VTI1A: variants seen among roughly 807,000 people sequenced by gnomAD.
VTI1A encodes vesicle transport through interaction with t-SNAREs homolog 1A.
Under a neutral mutation model 34.9 loss-of-function variants are expected in VTI1A, and 22 were observed. That is an observed-to-expected ratio of 0.63 (90% CI 0.45 to 0.90). The LOEUF (loss-of-function observed/expected upper bound fraction) is 0.90. Among genes scored for constraint, VTI1A ranks in the 40% least tolerant of loss-of-function variants. VTI1A has a pLI of 0.00. For synonymous variants in VTI1A, 87 were observed against 97.3 expected, an observed-to-expected ratio of 0.89 and a Z score of 0.62; for missense variants, 268 against 275.6, an observed-to-expected ratio of 0.97 and a Z score of 0.20.
the VTI1A span, among the ~76,000 whole-genome samples, chr10:112,848,767 G>A: frequency 1.3e-5 from 2 of 152,096 alleles, no homozygotes; most frequent in Non-Finnish European, 2.9e-5. Flanking sequence ...AAGTACATAC[G>A]GAGCCCAGAG....
intron 3 of VTI1A, among the ~76,000 whole-genome samples, chr10:112,472,770 A>G (rs1192878805): frequency 1.3e-5 from 2 of 152,180 alleles, no homozygotes; most frequent in East Asian, 1.9e-4. Context: ...TAACTGTAGC[A>G]TCAGCTAATC....
intron 5 of VTI1A, among the ~76,000 whole-genome samples, chr10:112,648,712 T>C (rs1334311718): frequency 6.6e-6 from 1 of 152,196 alleles, no homozygotes; most frequent in Non-Finnish European, 1.5e-5. Context: ...TTAAAATTTT[T>C]ATTATTACCC....
intron 7 of VTI1A, among the ~76,000 whole-genome samples, chr10:112,763,416 GC>G (rs1161994271): frequency 6.8e-6 from 1 of 147,322 alleles, no homozygotes; most frequent in East Asian, 2.0e-4. Flanking sequence ...TCCAGCCTGG[GC>G]TACAGAGCGA....
chr10:112,582,902 C>T (rs1483928283), intron 5 of VTI1A, among the ~76,000 whole-genome samples: 1 of 152,070 alleles, frequency 6.6e-6, no homozygotes, highest in Non-Finnish European at 1.5e-5. Flanking sequence ...TAAAAAACCT[C>T]CAAGAAAATA....
At chr10:112,739,393 T>C (rs1850612005) in intron 7 of VTI1A, among the ~76,000 whole-genome samples, 1 of 152,210 alleles carries the variant, frequency 6.6e-6, no homozygotes, top group African/African-American at 2.4e-5. Flanking sequence ...ATTTTGTCAG[T>C]TGCATGTCCC....
rs539167789 is a variant in VTI1A, at chr10:112,571,128, T to C, written c.427+32798T>C. ...TATCTTTATTTTACATGTGAAGAAA[T>C]TGAAACTGAGTGATTAAATGACTTA... is the stretch of plus-strand genomic sequence containing the variant. On this transcript the variant is annotated intron_variant, in intron 5 of 7. Transcript: ENST00000393077. 2.6e-5 allele frequency among the ~76,000 whole-genome samples: 4 copies of C among 152,316 alleles called. No homozygotes were observed. The East Asian group carries it at 7.7e-4, about 29-fold the overall frequency.
intron 7 of VTI1A, chr10:112,736,807 C>A: frequency 3.0e-6 from 4 of 1,350,442 alleles, no homozygotes; most frequent in Non-Finnish European, 3.1e-6. Context: ...TACTCAAACA[C>A]GTATTGTGCC....
intron 7 of VTI1A, among the ~76,000 whole-genome samples, chr10:112,712,522 A>T (rs1252961736): frequency 6.6e-6 from 1 of 151,362 alleles, no homozygotes; most frequent in East Asian, 2.0e-4. Flanking sequence ...ATTAAATGAT[A>T]TAAATCTAGT....
intron 5 of VTI1A, among the ~76,000 whole-genome samples, chr10:112,580,097 G>C (rs1450890195): frequency 1.3e-5 from 2 of 152,110 alleles, no homozygotes; most frequent in African/African-American, 4.8e-5. Context: ...TTGGGGCCTA[G>C]AGGTGGAAAC....
chr10:112,547,458 A>C (rs576153870), intron 5 of VTI1A, among the ~76,000 whole-genome samples: 11 of 150,704 alleles, frequency 7.3e-5, no homozygotes, highest in African/African-American at 2.2e-4. Context: ...CATGCATGTA[A>C]TCCCAGCTGC....
intron 3 of VTI1A, among the ~76,000 whole-genome samples, chr10:112,495,243 T>C (rs1424801362): frequency 7.3e-6 from 1 of 137,924 alleles, no homozygotes; most frequent in Non-Finnish European, 1.6e-5. Flanking sequence ...ATTTTCTCCA[T>C]AAATTTTTAT....
At position 112,815,480 on chromosome 10, in the gene VTI1A, C is replaced by A. The variant is rs1279220248; in HGVS notation, c.*97C>A. Reference sequence around the variant, plus strand: ...ATCATTCTGTTGCGCTGACAGGCCCCAGGTGACCCTCTCTCTCCCTCACCG... The same window carrying A: ...ATCATTCTGTTGCGCTGACAGGCCCAAGGTGACCCTCTCTCTCCCTCACCG... On this transcript the variant is annotated 3_prime_UTR_variant, in exon 8 of 8. Coordinates refer to ENST00000393077, the MANE Select transcript of VTI1A (RefSeq NM_145206.4). The A allele has an allele frequency of 5.6e-6, 6 of 1,077,212 alleles. No homozygotes were observed. The highest frequency in any genetic ancestry group is 7.1e-6 in the Non-Finnish European group (5 of 705,916). The allele number at this position is 1,077,212 out of a possible 1,614,324, so 66.7% of individuals were successfully genotyped here. A position where few individuals can be genotyped will look rare whatever the true frequency, so the allele number is the denominator to read the frequency against.
intron 7 of VTI1A, among the ~76,000 whole-genome samples, chr10:112,725,191 C>A (rs747646219): frequency 6.6e-6 from 1 of 152,144 alleles, no homozygotes; most frequent in Non-Finnish European, 1.5e-5. Flanking sequence ...TTTAAACGTT[C>A]TTTAATCTAT....
chr10:112,791,575 G>A (rs978286463), intron 7 of VTI1A, among the ~76,000 whole-genome samples: 1 of 151,848 alleles, frequency 6.6e-6, no homozygotes, highest in African/African-American at 2.4e-5. Context: ...CACCTTTCTT[G>A]CTAAAGGTCC....
intron 5 of VTI1A, among the ~76,000 whole-genome samples, chr10:112,542,947 G>A (rs987371902): frequency 3.3e-5 from 5 of 152,094 alleles, no homozygotes; most frequent in East Asian, 1.9e-4. Context: ...GTGTCCTTGC[G>A]ATAGTTTGCT....
chr10:112,781,716 TC>T (rs1370108839), intron 7 of VTI1A, among the ~76,000 whole-genome samples: 10 of 12,874 alleles, frequency 7.8e-4, no homozygotes, highest in Non-Finnish European at 1.3e-3. Context: ...TGGTGCACAC[TC>T]ATAGGTGCAC....
chr10:112,576,062 C>G (rs1467480826), intron 5 of VTI1A, among the ~76,000 whole-genome samples: 2 of 145,394 alleles, frequency 1.4e-5, no homozygotes, highest in Non-Finnish European at 3.0e-5. Flanking sequence ...GCTCTTTCGC[C>G]CAGGCCGGAC....
At position 112,447,220 on chromosome 10, in the gene VTI1A, A is replaced by G. The variant is rs1184526891; in HGVS notation, c.-154A>G. 4.3e-6 allele frequency: 3 copies of G among 690,140 alleles called. No individual in the cohort carries two copies. The highest frequency in any genetic ancestry group is 6.9e-6 in the Non-Finnish European group (3 of 433,708). The allele number at this position is 690,140 out of a possible 1,614,324, so 42.8% of individuals were successfully genotyped here. On this transcript the variant is annotated 5_prime_UTR_variant, in exon 1 of 8. Transcript: ENST00000393077. ...CGGAGAACCGAGATTGCGACGAACA[A>G]CCAGGAAGCGGCTGGGTTGAGAGCT...
At chr10:112,823,043 C>T (rs965480199), downstream of VTI1A, among the ~76,000 whole-genome samples, 3 of 152,322 alleles carry the variant, frequency 2.0e-5, no homozygotes, top group African/African-American at 4.8e-5. Flanking sequence ...GTGCCTCTGC[C>T]ACCTTCTACA....
Sources: gnomAD v4.1 joint callset for allele counts (sites outside exome capture counted in the v4.1 genomes callset) on GRCh38, gnomAD v4.1.1 for gene constraint, MANE v1.5 for transcripts, NCBI Gene and HGNC (gene_info 2026-07-23, HGNC 2026-07-21) for gene names.